SEC63: variants seen among roughly 807,000 people sequenced by gnomAD.
SEC63 encodes SEC63 protein translocation regulator, also known as translocation protein SEC63 homolog.
A neutral mutation model predicts 116.2 loss-of-function variants in SEC63; 56 were observed. That is an observed-to-expected ratio of 0.48 (90% CI 0.39 to 0.60). SEC63 has a LOEUF of 0.60. Among genes scored for constraint, SEC63 ranks in the 20% least tolerant of loss-of-function variants. The probability of loss-of-function intolerance (pLI) is 0.00; values close to 1 mark genes in which losing one functional copy is unlikely to be tolerated. For missense variants in SEC63, 668 were observed against 900.0 expected (o/e 0.74, Z 3.30); for synonymous variants, 273 against 294.6 (o/e 0.93, Z 0.75).
At chr6:107,903,082 A>C in intron 11 of SEC63, 84 bp from the exon 12 acceptor site, 1 of 1,385,536 alleles carries the variant, frequency 7.2e-7, no homozygotes, top group Non-Finnish European at 1.0e-6. Flanking sequence ...AACAAAATTC[A>C]CACTAAATCC....
chr6:107,919,383 G>C (rs76370718), intron 4 of SEC63, among the ~76,000 whole-genome samples: 4,735 of 152,282 alleles, frequency 0.031, 248 homozygotes, highest in African/African-American at 0.11. Context: ...GCTTCTTATA[G>C]TTGAGCAAAG....
At chr6:107,890,199 G>A (rs1024950327) in intron 16 of SEC63, among the ~76,000 whole-genome samples, 2 of 152,182 alleles carry the variant, frequency 1.3e-5, no homozygotes, top group African/African-American at 4.8e-5. Flanking sequence ...TTGTGTGGGA[G>A]TCTAAGCCTC....
intron 1 of SEC63, among the ~76,000 whole-genome samples, chr6:107,947,237 C>T (rs962991440): frequency 3.9e-5 from 6 of 152,082 alleles, no homozygotes; most frequent in Non-Finnish European, 8.8e-5. Flanking sequence ...GCAGAGGTTG[C>T]AGTGAGCCAA....
chr6:107,924,317 G>A lies in SEC63; in HGVS notation c.339+501C>T, dbSNP rs939621736. ...TAACCGGCCGGGCGCGGTGGCTCACGCCTGTAATCCTAGCACTTTGGGAGG... is the reference window on the plus strand; with the variant it reads ...TAACCGGCCGGGCGCGGTGGCTCACACCTGTAATCCTAGCACTTTGGGAGG... On this transcript the variant is annotated intron_variant, in intron 3 of 20. Coordinates refer to ENST00000369002, the MANE Select transcript of SEC63 (RefSeq NM_007214.5). Among the ~76,000 whole-genome samples, 11 of 150,142 alleles carry A rather than the reference G, an allele frequency of 7.3e-5. No individual in the cohort carries two copies. The East Asian group carries it at 1.6e-3, about 22-fold the overall frequency.
intron 7 of SEC63, among the ~76,000 whole-genome samples, chr6:107,910,318 T>C (rs928391825): frequency 1.3e-5 from 2 of 152,002 alleles, no homozygotes; most frequent in African/African-American, 4.8e-5. Flanking sequence ...AATTTAAAAA[T>C]TAGCAGGGCA....
In SEC63 at chr6:107,876,565, T is replaced by A. The variant is rs1197040686; in HGVS notation, c.2033A>T (p.Glu678Val). Residue 678 changes from glutamate to valine, a missense_variant and splice_region_variant, in exon 19 of 21, where the codon GAG (glutamate) becomes GTG (valine). This residue lies in a region of SEC63 where 85 missense variants were observed against 116.3 expected (regional missense o/e 0.73). Transcript: ENST00000369002. ...YHVCTLKDTE[E>V]VELKFPAPGK... ...GAAATCATGTTGCTTGATAGTTACC[T>A]CCTCTGTATCTTTCAGCGTACACAC... 1 of 1,567,698 alleles carries A rather than the reference T, an allele frequency of 6.4e-7. No individual in the cohort carries two copies. Among genetic ancestry groups the A allele is most frequent in the Non-Finnish European group, 8.8e-7 (1 of 1,140,962 alleles).
chr6:107,941,012 A>G (rs2245024), intron 1 of SEC63, among the ~76,000 whole-genome samples: 148,634 of 152,208 alleles, frequency 0.98, 72,612 homozygotes, highest in African/African-American at 0.99. Context: ...AGAAAGTGGA[A>G]GAGAAACTCA....
intron 4 of SEC63, among the ~76,000 whole-genome samples, chr6:107,918,486 G>A (rs1787466521): frequency 6.6e-6 from 1 of 152,090 alleles, no homozygotes; most frequent in Non-Finnish European, 1.5e-5. Context: ...CCTGAGGTCA[G>A]GAGTTCAAGA....
intron 1 of SEC63, among the ~76,000 whole-genome samples, chr6:107,934,489 T>A (rs1174854635): frequency 1.2e-4 from 14 of 120,484 alleles, no homozygotes; most frequent in East Asian, 2.7e-4. Context: ...GGCCGCTCCA[T>A]CTGAGAAGTG....
intron 2 of SEC63, among the ~76,000 whole-genome samples, chr6:107,927,900 T>C (rs971563734): frequency 6.6e-6 from 1 of 152,244 alleles, no homozygotes; most frequent in Non-Finnish European, 1.5e-5. Context: ...TGTATTTTCA[T>C]TTATACTTTT....
chr6:107,935,787 TA>T (rs1562336708), intron 1 of SEC63, among the ~76,000 whole-genome samples: 2 of 147,900 alleles, frequency 1.4e-5, no homozygotes, highest in South Asian at 2.2e-4. Context: ...AATGATCAAT[TA>T]AAAAAAATAA....
intron 7 of SEC63, among the ~76,000 whole-genome samples, chr6:107,910,014 T>A (rs1787238946): frequency 6.6e-6 from 1 of 152,168 alleles, no homozygotes; most frequent in Non-Finnish European, 1.5e-5. Context: ...AATGCACACA[T>A]ACAGTAAAAT....
intron 1 of SEC63, among the ~76,000 whole-genome samples, chr6:107,942,681 A>G (rs1354401238): frequency 3.3e-5 from 5 of 152,226 alleles, no homozygotes; most frequent in African/African-American, 1.2e-4. Flanking sequence ...TGGCTCCCCC[A>G]AAACTTAACT....
chr6:107,922,282 T>A (rs1244179618), intron 3 of SEC63, among the ~76,000 whole-genome samples: 2 of 152,206 alleles, frequency 1.3e-5, no homozygotes, highest in Admixed American at 6.5e-5. Flanking sequence ...GGTGGGCGGA[T>A]CACCTGAGGT....
intron 1 of SEC63, 55 bp downstream of exon 1, chr6:107,957,831 T>G (rs916796739): frequency 6.5e-7 from 1 of 1,533,286 alleles, no homozygotes; most frequent in East Asian, 2.6e-5. Flanking sequence ...CCGCAGGGCC[T>G]GGGGGCGCTG....
rs148044170 is a variant in SEC63 at position 107,907,770 on chromosome 6, T to C, written c.734-993A>G. ...ACAGTACTTGTGTGAGCTATTACTA[T>C]TACTACCCTCAAATGTTTACTTAAT... On this transcript the variant is annotated intron_variant, in intron 8 of 20. Transcript: ENST00000369002. Among the ~76,000 whole-genome samples, 230 of 152,320 alleles carry C rather than the reference T, an allele frequency of 1.5e-3. 1 individual carries two copies. Among genetic ancestry groups the C allele is most frequent in the African/African-American group, 5.3e-3 (220 of 41,578 alleles).
At chr6:107,955,399 G>C (rs1489391755) in intron 1 of SEC63, among the ~76,000 whole-genome samples, 1 of 152,140 alleles carries the variant, frequency 6.6e-6, no homozygotes, top group Non-Finnish European at 1.5e-5. Context: ...CTGACTTTAG[G>C]TGATCCGCCC....
intron 4 of SEC63, among the ~76,000 whole-genome samples, chr6:107,916,250 A>G (rs1264227820): frequency 6.6e-6 from 1 of 152,242 alleles, no homozygotes; most frequent in Non-Finnish European, 1.5e-5. Flanking sequence ...AATACTTGTG[A>G]AAAGAGAGTA....
Position 107,958,146 on chromosome 6 carries a change from C to T in SEC63, c.-137G>A. 7.3e-7 allele frequency: 1 copy of T among 1,365,502 alleles called. No homozygotes were observed. The highest frequency in any genetic ancestry group is 1.0e-6 in the Non-Finnish European group (1 of 986,254). 84.6% of individuals were successfully genotyped at this position (1,365,502 alleles called of 1,614,324 possible). On this transcript the variant is annotated 5_prime_UTR_variant, in exon 1 of 21. In the 5' UTR this introduces an upstream ATG that the reference lacks. Coordinates refer to ENST00000369002, the MANE Select transcript of SEC63 (RefSeq NM_007214.5). The stretch of plus-strand genomic sequence containing the variant: ...GCCTCTCCTCCCCGCCCCCACGCCA[C>T]TCTCACGGACACGCCGCCGCCACCT...
Sources: allele counts gnomAD v4.1 joint callset (sites outside exome capture counted in the v4.1 genomes callset), GRCh38; gene constraint gnomAD v4.1.1; regional missense constraint gnomAD v4.1.1; transcripts MANE v1.5; gene names NCBI Gene and HGNC (gene_info 2026-07-23, HGNC 2026-07-21).